The following LHFPL2 variants were observed in gnomAD, a reference collection of about 807,000 sequenced individuals.
The protein encoded by LHFPL2 is LHFPL tetraspan subfamily member 2 protein.
A neutral mutation model predicts 17.5 loss-of-function variants in LHFPL2; 7 were observed. That is an observed-to-expected ratio of 0.40 (90% CI 0.23 to 0.75). The LOEUF (loss-of-function observed/expected upper bound fraction) is 0.75. Ranked by LOEUF, LHFPL2 falls within the 30% of genes least tolerant of loss-of-function variation. LHFPL2 has a pLI of 0.37. For synonymous variants in LHFPL2, 134 were observed against 116.2 expected, an observed-to-expected ratio of 1.15 and a Z score of -0.99; for missense variants, 241 against 294.8, an observed-to-expected ratio of 0.82 and a Z score of 1.34.
intron 3 of LHFPL2, among the ~76,000 whole-genome samples, chr5:78,537,752 C>T (rs1023424603): frequency 2.6e-5 from 4 of 152,188 alleles, no homozygotes; most frequent in Non-Finnish European, 4.4e-5. Flanking sequence ...CTCCCTTTAT[C>T]CCACCCAAGT....
intron 3 of LHFPL2, among the ~76,000 whole-genome samples, chr5:78,519,051 C>G (rs1170293289): frequency 3.8e-5 from 2 of 53,070 alleles, no homozygotes; most frequent in East Asian, 1.4e-3. Flanking sequence ...GGAAGTCTGT[C>G]CCATTCTATG....
intron 4 of LHFPL2, among the ~76,000 whole-genome samples, chr5:78,499,203 A>G (rs1053771821): frequency 1.3e-5 from 2 of 152,242 alleles, no homozygotes; most frequent in African/African-American, 4.8e-5. Flanking sequence ...CCCCAAATTT[A>G]TAATATACAT....
At chr5:78,641,202 C>T (rs1745650659) in intron 1 of LHFPL2, among the ~76,000 whole-genome samples, 1 of 152,180 alleles carries the variant, frequency 6.6e-6, no homozygotes, top group Admixed American at 6.5e-5. Flanking sequence ...AGAGATTCAG[C>T]CCACAAGGGA....
intron 3 of LHFPL2, among the ~76,000 whole-genome samples, chr5:78,552,077 G>A (rs773375605): frequency 1.3e-4 from 19 of 151,662 alleles, no homozygotes; most frequent in South Asian, 2.1e-4. Flanking sequence ...TCGTGTATAC[G>A]TGTTTAATAA....
chr5:78,558,748 G>C (rs933942255), intron 3 of LHFPL2, among the ~76,000 whole-genome samples: 1 of 152,124 alleles, frequency 6.6e-6, no homozygotes, highest in African/African-American at 2.4e-5. Flanking sequence ...AGAATCTACC[G>C]GAACATGGGC....
intron 3 of LHFPL2, among the ~76,000 whole-genome samples, chr5:78,518,629 C>T (rs1314139602): frequency 6.6e-6 from 1 of 152,206 alleles, no homozygotes; most frequent in Admixed American, 6.5e-5. Context: ...AGCAGCCTGG[C>T]CTGCAGGACT....
intron 3 of LHFPL2, among the ~76,000 whole-genome samples, chr5:78,524,697 G>A (rs988065364): frequency 5.5e-5 from 8 of 144,716 alleles, no homozygotes; most frequent in Non-Finnish European, 1.2e-4. Context: ...AGCCAAGATT[G>A]CACCACTGCA....
At chr5:78,512,585 A>G (rs1561314763) in intron 3 of LHFPL2, among the ~76,000 whole-genome samples, 1 of 151,318 alleles carries the variant, frequency 6.6e-6, no homozygotes, top group Non-Finnish European at 1.5e-5. Context: ...AGCCACAAGG[A>G]CTCCCAGGAG....
At chr5:78,596,123 T>TA (rs1320627960) in intron 2 of LHFPL2, among the ~76,000 whole-genome samples, 2 of 152,214 alleles carry the variant, frequency 1.3e-5, no homozygotes, top group African/African-American at 4.8e-5. Context: ...TATAATAAAT[T>TA]ATAAGCAACC....
intron 2 of LHFPL2, among the ~76,000 whole-genome samples, chr5:78,615,413 A>G (rs1045229109): frequency 3.3e-5 from 5 of 152,250 alleles, no homozygotes; most frequent in African/African-American, 9.6e-5. Flanking sequence ...TCCTACATCA[A>G]ATCACATAAT....
intron 1 of LHFPL2, among the ~76,000 whole-genome samples, chr5:78,645,708 G>A (rs1316813929): frequency 2.0e-5 from 3 of 152,028 alleles, no homozygotes; most frequent in Admixed American, 2.0e-4. Context: ...TCAGCCTCCT[G>A]AGTAGCTGGG....
At chr5:78,498,155 G>A (rs533252582) in intron 4 of LHFPL2, among the ~76,000 whole-genome samples, 91 of 152,162 alleles carry the variant, frequency 6.0e-4, no homozygotes, top group Non-Finnish European at 1.2e-3. Flanking sequence ...CCTGGAGAAC[G>A]GAAAACACCA....
At chr5:78,574,017 A>G (rs1308361767) in intron 2 of LHFPL2, among the ~76,000 whole-genome samples, 1 of 152,210 alleles carries the variant, frequency 6.6e-6, no homozygotes, top group Non-Finnish European at 1.5e-5. Flanking sequence ...AACTAAATCC[A>G]ATAGAAGCAA....
rs573045509 is a variant in LHFPL2, at chr5:78,486,566, A to G, written c.*2331T>C. On this transcript the variant is annotated 3_prime_UTR_variant, in exon 5 of 5. Transcript: ENST00000380345. The stretch of plus-strand genomic sequence containing the variant: ...GGATTCAAGGTTTAAAAGTCCCAAC[A>G]TTACCTTTTTACTATTTACTAAGTC... 3 of 152,304 alleles carry G rather than the reference A, an allele frequency of 2.0e-5. No individual in the cohort carries two copies. Among genetic ancestry groups the G allele is most frequent in the African/African-American group, 7.2e-5 (3 of 41,556 alleles). 9.4% of individuals were successfully genotyped at this position (152,304 alleles called of 1,614,324 possible). A position where few individuals can be genotyped will look rare whatever the true frequency, so the allele number is the denominator to read the frequency against.
chr5:78,583,562 G>T (rs1293174457), intron 2 of LHFPL2, among the ~76,000 whole-genome samples: 2 of 151,358 alleles, frequency 1.3e-5, no homozygotes, highest in Non-Finnish European at 3.0e-5. Flanking sequence ...GGCTGGATAT[G>T]AAATTCTGGG....
At chr5:78,596,324 C>T (rs1743825559) in intron 2 of LHFPL2, among the ~76,000 whole-genome samples, 1 of 152,230 alleles carries the variant, frequency 6.6e-6, no homozygotes. Flanking sequence ...AAGCTCACAT[C>T]ATCCTACAGA....
intron 2 of LHFPL2, among the ~76,000 whole-genome samples, chr5:78,629,360 T>C (rs536498722): frequency 1.3e-5 from 2 of 152,162 alleles, no homozygotes; most frequent in Non-Finnish European, 2.9e-5. Context: ...ACCCCTACAG[T>C]AGGTAAGACA....
At chr5:78,497,506 A>G (rs1029429261) in intron 4 of LHFPL2, among the ~76,000 whole-genome samples, 5 of 152,206 alleles carry the variant, frequency 3.3e-5, no homozygotes, top group Admixed American at 1.3e-4. Flanking sequence ...AGGACAGGGA[A>G]CTTTATGCAG....
intron 2 of LHFPL2, among the ~76,000 whole-genome samples, chr5:78,588,839 CTAATG>C (rs1229070821): frequency 6.6e-6 from 1 of 152,176 alleles, no homozygotes; most frequent in Non-Finnish European, 1.5e-5. Flanking sequence ...TAAATGGTAC[CTAATG>C]TAAGTTACTC....
Sources: allele counts gnomAD v4.1 joint callset (sites outside exome capture counted in the v4.1 genomes callset), GRCh38; gene constraint gnomAD v4.1.1; transcripts MANE v1.5; gene names NCBI Gene and HGNC (gene_info 2026-07-23, HGNC 2026-07-21).